Variants in SLCO3A1 observed in about 807,000 individuals in gnomAD.
SLCO3A1 encodes the protein PGE1 transporter.
SLCO3A1 carries 27 observed loss-of-function variants against 63.1 expected under a neutral mutation model. The ratio of observed to expected loss-of-function variants is 0.43; its 90% confidence interval spans 0.32 to 0.59. The LOEUF (loss-of-function observed/expected upper bound fraction) is 0.59. Among genes scored for constraint, SLCO3A1 ranks in the 20% least tolerant of loss-of-function variants. The probability of loss-of-function intolerance (pLI) is 0.09; values close to 1 mark genes in which losing one functional copy is unlikely to be tolerated. For synonymous variants in SLCO3A1, 473 were observed against 409.9 expected (o/e 1.15, Z -1.86); for missense variants, 773 against 945.8 (o/e 0.82, Z 2.40).
intron 2 of SLCO3A1, among the ~76,000 whole-genome samples, chr15:92,090,275 A>T (rs564620057): frequency 6.6e-6 from 1 of 152,342 alleles, no homozygotes; most frequent in East Asian, 1.9e-4. Context: ...TAGTAGATTC[A>T]CATGTCCAAG....
intron 2 of SLCO3A1, among the ~76,000 whole-genome samples, chr15:91,976,085 T>G (rs1901097924): frequency 6.6e-6 from 1 of 152,232 alleles, no homozygotes; most frequent in Admixed American, 6.5e-5. Context: ...TTCAAAATAA[T>G]TAGCAATGCT....
chr15:91,981,937 C>T (rs189878253), intron 2 of SLCO3A1, among the ~76,000 whole-genome samples: 9 of 152,366 alleles, frequency 5.9e-5, no homozygotes, highest in South Asian at 2.1e-4. Context: ...CTGGTGAGCA[C>T]GCTTTGATGC....
chr15:92,104,192 C>G, intron 3 of SLCO3A1, 87 bp from the exon 4 acceptor site: 1 of 1,478,436 alleles, frequency 6.8e-7, no homozygotes, highest in Non-Finnish European at 9.2e-7. Context: ...CCCTTGCCCT[C>G]TCTGTTCAGC....
At position 92,165,284 on chromosome 15, in the gene SLCO3A1, G is replaced by A. The variant is rs1567158626; in HGVS notation, c.*2149G>A. ...TGAAAATGGGGACACTCATCAGTAC[G>A]TTAACTACTAAAGGGGAGATGGTTC... On this transcript the variant is annotated 3_prime_UTR_variant, in exon 10 of 10. Coordinates refer to ENST00000318445, the MANE Select transcript of SLCO3A1 (RefSeq NM_013272.4). The A allele has an allele frequency of 8.1e-6, 8 of 985,350 alleles. No homozygotes were observed. Among genetic ancestry groups the A allele is most frequent in the Admixed American group, 6.1e-5 (1 of 16,288 alleles). 61.0% of individuals were successfully genotyped at this position (985,350 alleles called of 1,614,324 possible). A position where few individuals can be genotyped will look rare whatever the true frequency, so the allele number is the denominator to read the frequency against.
intron 4 of SLCO3A1, among the ~76,000 whole-genome samples, chr15:92,119,109 C>T (rs2047830225): frequency 6.6e-6 from 1 of 151,872 alleles, no homozygotes; most frequent in Non-Finnish European, 1.5e-5. Context: ...CAGGGTTGTC[C>T]TGGTGCCCCA....
intron 2 of SLCO3A1, among the ~76,000 whole-genome samples, chr15:91,985,291 C>T (rs1177500684): frequency 2.6e-5 from 4 of 152,186 alleles, no homozygotes; most frequent in African/African-American, 4.8e-5. Flanking sequence ...TCCATGTTGT[C>T]ACATGTAGTT....
chr15:92,031,084 T>C (rs1385238059), intron 2 of SLCO3A1, among the ~76,000 whole-genome samples: 2 of 152,164 alleles, frequency 1.3e-5, no homozygotes, highest in African/African-American at 4.8e-5. Flanking sequence ...ATGTCTGCTA[T>C]GCTTTTAAAG....
downstream of SLCO3A1, among the ~76,000 whole-genome samples, chr15:92,166,544 C>T (rs1419551019): frequency 2.0e-5 from 3 of 152,168 alleles, no homozygotes; most frequent in African/African-American, 7.2e-5. Flanking sequence ...AGTAATTGCC[C>T]TCCAGCTTCC....
At chr15:91,887,385 G>A (rs1597091362) in intron 1 of SLCO3A1, among the ~76,000 whole-genome samples, 2 of 151,044 alleles carry the variant, frequency 1.3e-5, no homozygotes, top group Non-Finnish European at 2.9e-5. Flanking sequence ...CTAATTTCAG[G>A]CCCCTCTTTG....
At chr15:92,095,625 G>A (rs1185736080) in intron 3 of SLCO3A1, among the ~76,000 whole-genome samples, 3 of 152,230 alleles carry the variant, frequency 2.0e-5, no homozygotes, top group African/African-American at 7.2e-5. Flanking sequence ...CGATGGGCTA[G>A]ACTATTCTGT....
intron 4 of SLCO3A1, among the ~76,000 whole-genome samples, chr15:92,112,914 C>T (rs1417851013): frequency 1.3e-5 from 2 of 152,164 alleles, no homozygotes; most frequent in African/African-American, 4.8e-5. Context: ...CCAGGCTTTC[C>T]AGGGTGAATG....
In SLCO3A1 at chr15:92,049,175, A is replaced by G. The variant is rs189382494; in HGVS notation, c.647-45706A>G. Among the ~76,000 whole-genome samples the G allele has an allele frequency of 2.4e-3, 369 of 152,292 alleles. 3 individuals carry two copies. The highest frequency in any genetic ancestry group is 8.6e-3 in the African/African-American group (358 of 41,556). On this transcript the variant is annotated intron_variant, in intron 2 of 9. Coordinates refer to ENST00000318445, the MANE Select transcript of SLCO3A1 (RefSeq NM_013272.4). ...GGGTACAGTTGGATAGTTTACAGGC[A>G]GGTCGTGCCTGCATCTTTCTGCACA...
rs1412188821 is a variant in SLCO3A1 at position 92,126,229 on chromosome 15, T to C, written c.1343T>C (p.Val448Ala). 3 of 1,614,056 alleles carry C rather than the reference T, an allele frequency of 1.9e-6. No homozygotes were observed. The highest frequency in any genetic ancestry group is 1.7e-6 in the Non-Finnish European group (2 of 1,180,006). Residue 448 changes from valine (V) to alanine (A), a missense_variant, in exon 6 of 10, where the codon GTG (valine) becomes GCG (alanine). Physicochemically the swap from Val to Ala is moderately conservative, Grantham distance 64. Coordinates refer to ENST00000318445, the MANE Select transcript of SLCO3A1 (RefSeq NM_013272.4). ...TTCCTGGGCTGCGACACTGGCCCTGTGGCTGGGGTTACTGTTCCCTATGGA... is the reference window on the plus strand; with the variant it reads ...TTCCTGGGCTGCGACACTGGCCCTGCGGCTGGGGTTACTGTTCCCTATGGA... The part of the protein sequence containing the change: ...FLFLGCDTGP[V>A]AGVTVPYGNS...
At chr15:91,928,782 A>G (rs1899122280) in intron 2 of SLCO3A1, among the ~76,000 whole-genome samples, 1 of 152,236 alleles carries the variant, frequency 6.6e-6, no homozygotes, top group African/African-American at 2.4e-5. Context: ...CCACAAAAAA[A>G]TCATGTGAGT....
At position 91,968,831 on chromosome 15, in the gene SLCO3A1, C is replaced by T. The variant is rs76113422; in HGVS notation, c.646+52373C>T. Reference sequence around the variant, plus strand: ...CCCTTAGGGTGGCGCTGTTTATTGGCGCCTTTTTGCTTGGCACATTCTGGT... The same window carrying T: ...CCCTTAGGGTGGCGCTGTTTATTGGTGCCTTTTTGCTTGGCACATTCTGGT... On this transcript the variant is annotated intron_variant, in intron 2 of 9. Transcript: ENST00000318445. The surrounding 1 kb of genome is among the most constrained non-coding windows in gnomAD (Gnocchi z 4.2). 8.5e-5 allele frequency among the ~76,000 whole-genome samples: 13 copies of T among 152,298 alleles called. No homozygotes were observed. The East Asian group carries it at 1.7e-3, about 20-fold the overall frequency.
At position 91,862,964 on chromosome 15, in the gene SLCO3A1, A is replaced by G. The variant is rs1039843795; in HGVS notation, c.180+8876A>G. Reference sequence around the variant, plus strand: ...ATTTGTCTCCCAACTTCAGCTGATTAGAAGGAGAAATTACCACCTTGAATA... The same window carrying G: ...ATTTGTCTCCCAACTTCAGCTGATTGGAAGGAGAAATTACCACCTTGAATA... On this transcript the variant is annotated intron_variant, in intron 1 of 9. Coordinates refer to ENST00000318445, the MANE Select transcript of SLCO3A1 (RefSeq NM_013272.4). The surrounding 1 kb of genome is among the most constrained non-coding windows in gnomAD (Gnocchi z 4.0). Among the ~76,000 whole-genome samples the G allele has an allele frequency of 5.9e-5, 9 of 152,376 alleles. No homozygotes were observed. Among genetic ancestry groups the G allele is most frequent in the African/African-American group, 2.2e-4 (9 of 41,598 alleles).
At chr15:92,021,668 T>C (rs1311159697) in intron 2 of SLCO3A1, among the ~76,000 whole-genome samples, 2 of 152,188 alleles carry the variant, frequency 1.3e-5, no homozygotes, top group African/African-American at 4.8e-5. Context: ...TTAGCTCTTA[T>C]TACATGCTAA....
chr15:92,154,834 T>C (rs757945925), intron 9 of SLCO3A1, among the ~76,000 whole-genome samples: 1 of 151,786 alleles, frequency 6.6e-6, no homozygotes, highest in Non-Finnish European at 1.5e-5. Context: ...AGGGCTGAGA[T>C]GGGAGAAAGG....
chr15:92,021,782 C>T (rs1320057859), intron 2 of SLCO3A1, among the ~76,000 whole-genome samples: 1 of 152,120 alleles, frequency 6.6e-6, no homozygotes, highest in Non-Finnish European at 1.5e-5. Context: ...TTATTGTTAA[C>T]GATGACTCTG....
Sources: allele counts gnomAD v4.1 joint callset (sites outside exome capture counted in the v4.1 genomes callset), GRCh38; gene constraint gnomAD v4.1.1; non-coding constraint Gnocchi (gnomAD v3.1); transcripts MANE v1.5; gene names NCBI Gene and HGNC (gene_info 2026-07-23, HGNC 2026-07-21).